The following ZCCHC7 variants were observed in gnomAD, a reference collection of about 807,000 sequenced individuals.
The protein encoded by ZCCHC7 is zinc finger CCHC-type containing 7, also known as zinc finger CCHC domain-containing protein 7.
A neutral mutation model predicts 52.0 loss-of-function variants in ZCCHC7; 35 were observed. The ratio of observed to expected loss-of-function variants is 0.67; its 90% CI spans 0.51 to 0.89. The LOEUF (loss-of-function observed/expected upper bound fraction) is 0.89, where lower values mean the gene tolerates loss of function less well. Ranked by LOEUF, ZCCHC7 falls within the 40% of genes least tolerant of loss-of-function variation. The pLI is 0.00. For synonymous variants in ZCCHC7, 217 were observed against 221.5 expected (o/e 0.98, Z 0.18); for missense variants, 574 against 649.1 (o/e 0.88, Z 1.26).
At chr9:37,325,445 C>T (rs1220919305) in intron 5 of ZCCHC7, among the ~76,000 whole-genome samples, 1 of 152,100 alleles carries the variant, frequency 6.6e-6, no homozygotes, top group Non-Finnish European at 1.5e-5. Flanking sequence ...TAGTAGGCTT[C>T]TTGCTTTAGA....
chr9:37,139,642 T>A (rs2132761675), intron 2 of ZCCHC7, among the ~76,000 whole-genome samples: 1 of 152,126 alleles, frequency 6.6e-6, no homozygotes, highest in Non-Finnish European at 1.5e-5. Flanking sequence ...AATCTCGTGT[T>A]TTGCAAACAC....
intron 2 of ZCCHC7, among the ~76,000 whole-genome samples, chr9:37,209,096 A>C (rs1181205416): frequency 1.3e-5 from 2 of 151,716 alleles, no homozygotes; most frequent in African/African-American, 2.4e-5. Flanking sequence ...GCTGGAGTGT[A>C]GTGGTGCGAC....
chr9:37,352,511 C>CTTTTTTTTTTTTTTTTTTTTTTTTTTTT (rs869266535), intron 7 of ZCCHC7, among the ~76,000 whole-genome samples: 6 of 81,576 alleles, frequency 7.4e-5, no homozygotes, highest in South Asian at 5.1e-4. Flanking sequence ...ACAATTTGCT[C>CTTTTTTTTTTTTTTTTTTTTTTTTTTTT]TTTTTTTTTT....
intron 2 of ZCCHC7, among the ~76,000 whole-genome samples, chr9:37,237,841 T>C (rs909991682): frequency 1.3e-5 from 2 of 152,182 alleles, no homozygotes; most frequent in African/African-American, 4.8e-5. Context: ...GATATTTTAA[T>C]GTGTGTATTT....
intron 2 of ZCCHC7, among the ~76,000 whole-genome samples, chr9:37,241,143 AT>A (rs1825856425): frequency 6.6e-6 from 1 of 151,658 alleles, no homozygotes; most frequent in Admixed American, 6.6e-5. Context: ...CTTGTTTTTT[AT>A]TTTGATGTTT....
chr9:37,218,202 A>G (rs1476778480), intron 2 of ZCCHC7, among the ~76,000 whole-genome samples: 1 of 152,152 alleles, frequency 6.6e-6, no homozygotes, highest in Non-Finnish European at 1.5e-5. Flanking sequence ...TAGCAGATAG[A>G]TCTAAGTATA....
chr9:37,171,029 A>G (rs1821699960), intron 2 of ZCCHC7, among the ~76,000 whole-genome samples: 1 of 152,212 alleles, frequency 6.6e-6, no homozygotes, highest in South Asian at 2.1e-4. Flanking sequence ...ACTAGTATTT[A>G]TACTTGTCCT....
chr9:37,282,524 G>A (rs1260137564), intron 2 of ZCCHC7, among the ~76,000 whole-genome samples: 1 of 146,908 alleles, frequency 6.8e-6, no homozygotes, highest in Non-Finnish European at 1.5e-5. Context: ...AAAATGGCAT[G>A]AACCTGGGAG....
At chr9:37,198,430 A>G (rs891106548) in intron 2 of ZCCHC7, among the ~76,000 whole-genome samples, 1 of 152,138 alleles carries the variant, frequency 6.6e-6, no homozygotes, top group African/African-American at 2.4e-5. Context: ...CTCTGTCTTC[A>G]TTTGTCCAGC....
intron 2 of ZCCHC7, among the ~76,000 whole-genome samples, chr9:37,290,628 C>G (rs1368360977): frequency 6.6e-6 from 1 of 152,056 alleles, no homozygotes; most frequent in Non-Finnish European, 1.5e-5. Flanking sequence ...CTGTTGTACT[C>G]CAGCCAGAGC....
At chr9:37,123,358 A>G (rs1253860928) in intron 1 of ZCCHC7, among the ~76,000 whole-genome samples, 1 of 152,226 alleles carries the variant, frequency 6.6e-6, no homozygotes, top group East Asian at 1.9e-4. Flanking sequence ...TAACCCTGGC[A>G]TACATAAACT....
intron 2 of ZCCHC7, among the ~76,000 whole-genome samples, chr9:37,220,173 A>T (rs1824734905): frequency 6.6e-6 from 1 of 152,200 alleles, no homozygotes; most frequent in Admixed American, 6.5e-5. Context: ...GCTATGTAGG[A>T]TATATATTGT....
intron 2 of ZCCHC7, among the ~76,000 whole-genome samples, chr9:37,199,266 T>G (rs1206618604): frequency 6.6e-6 from 1 of 152,092 alleles, no homozygotes; most frequent in African/African-American, 2.4e-5. Flanking sequence ...CTAATTCTTG[T>G]CTTTGCTGTT....
chr9:37,133,398 A>G (rs1192146347), intron 2 of ZCCHC7, among the ~76,000 whole-genome samples: 2 of 138,124 alleles, frequency 1.4e-5, no homozygotes, highest in African/African-American at 5.6e-5. Flanking sequence ...TTTTTGAGAC[A>G]CAGTCTTGCT....
At chr9:37,221,969 C>CA (rs560519650) in intron 2 of ZCCHC7, among the ~76,000 whole-genome samples, 328 of 151,712 alleles carry the variant, frequency 2.2e-3, no homozygotes, top group African/African-American at 7.6e-3. Context: ...GCAAAAAAAA[C>CA]AGAACCTTGG....
chr9:37,347,931 G>A (rs1033533022), intron 6 of ZCCHC7, among the ~76,000 whole-genome samples: 7 of 152,146 alleles, frequency 4.6e-5, no homozygotes, highest in Admixed American at 3.3e-4. Flanking sequence ...ATTCTCCTAT[G>A]TCTCTGCATC....
chr9:37,129,500 T>G (rs1196114697), intron 2 of ZCCHC7, among the ~76,000 whole-genome samples: 1 of 152,212 alleles, frequency 6.6e-6, no homozygotes, highest in Non-Finnish European at 1.5e-5. Flanking sequence ...TTAAGTGTGT[T>G]GTTACTCTGT....
chr9:37,250,438 A>G (rs1426727606), intron 2 of ZCCHC7, among the ~76,000 whole-genome samples: 1 of 151,796 alleles, frequency 6.6e-6, no homozygotes, highest in Non-Finnish European at 1.5e-5. Flanking sequence ...AGTAGCTGGG[A>G]TTACAGATGC....
intron 2 of ZCCHC7, among the ~76,000 whole-genome samples, chr9:37,155,838 C>G (rs930890889): frequency 2.0e-5 from 3 of 152,192 alleles, no homozygotes; most frequent in African/African-American, 7.2e-5. Context: ...TTTTGGCCCT[C>G]TCTGTTGTGC....
Sources: allele counts gnomAD v4.1 joint callset (sites outside exome capture counted in the v4.1 genomes callset), GRCh38; gene constraint gnomAD v4.1.1; transcripts MANE v1.5; gene names NCBI Gene and HGNC (gene_info 2026-07-23, HGNC 2026-07-21).